The following ZNF462 variants were observed in gnomAD, a reference collection of about 807,000 sequenced individuals.
The protein encoded by ZNF462 is zinc finger protein 462.
ZNF462 carries 10 observed loss-of-function variants against 201.9 expected under a neutral mutation model. That is an observed-to-expected ratio of 0.05 (90% confidence interval 0.03 to 0.08). The LOEUF (loss-of-function observed/expected upper bound fraction) is 0.08, where lower values mean the gene tolerates loss of function less well. ZNF462 is among the 10% of genes least tolerant of loss of function. The pLI, the probability that ZNF462 is intolerant of heterozygous loss-of-function variation, is 1.00. For synonymous variants in ZNF462, 1,227 were observed against 1,193.3 expected (o/e 1.03, Z -0.58); for missense variants, 2,523 against 3,168.3 (o/e 0.80, Z 4.89).
chr9:106,935,857 AGTTC>A lies in ZNF462; in HGVS notation c.6235+243_6235+246del, dbSNP rs1383354340. The stretch of plus-strand genomic sequence containing the variant: ...AGCCTATGTCACCCATGTTATGGTT[AGTTC>A]GTTCGTCCTACTGACAAGTTAGAAT... On this transcript the variant is annotated intron_variant, in intron 6 of 12. Transcript: ENST00000277225. This position sits in a 1 kb window ranked among gnomAD's most constrained non-coding sequence, Gnocchi z 4.1. Among the ~76,000 whole-genome samples the A allele has an allele frequency of 5.3e-5, 8 of 152,270 alleles. No homozygotes were observed. The highest frequency in any genetic ancestry group is 1.9e-4 in the African/African-American group (8 of 41,472).
In ZNF462 at chr9:106,977,754, C is replaced by T. The variant is rs1827125583; in HGVS notation, c.6832+3481C>T. Among the ~76,000 whole-genome samples, 1 of 151,520 alleles carries T rather than the reference C, an allele frequency of 6.6e-6. No individual in the cohort carries two copies. Among genetic ancestry groups the T allele is most frequent in the Non-Finnish European group, 1.5e-5 (1 of 68,032 alleles). ...GTAGTAGAGAGGGGTGGCTTTCAAA[C>T]TGAGCCATGATAACATTTCAACAGG... On this transcript the variant is annotated intron_variant, in intron 9 of 12. Transcript: ENST00000277225. The surrounding 1 kb of genome is among the most constrained non-coding windows in gnomAD (Gnocchi z 4.6).
chr9:106,875,301 G>C lies in ZNF462; in HGVS notation c.-31+11946G>C, dbSNP rs147878175. Among the ~76,000 whole-genome samples the C allele has an allele frequency of 5.2e-3, 789 of 152,200 alleles. 10 individuals are homozygous for C. The highest frequency in any genetic ancestry group is 0.018 in the African/African-American group (752 of 41,506). On this transcript the variant is annotated intron_variant, in intron 1 of 12. Transcript: ENST00000277225. ...GAAAAAGAAATTCTTAAGTTTTTAG[G>C]GGTCAAGTATAACTGCAAAGCTTTC... is the stretch of plus-strand genomic sequence containing the variant.
At chr9:106,982,804 T>C (rs557116685) in intron 9 of ZNF462, among the ~76,000 whole-genome samples, 9 of 152,128 alleles carry the variant, frequency 5.9e-5, no homozygotes, top group South Asian at 2.1e-4. Context: ...AGTGTTGTGG[T>C]TGAGACTAAG....
rs1830748817 is a variant in ZNF462, at chr9:106,938,991, A to G, written c.6311A>G (p.Lys2104Arg). The change falls in exon 7 of 13, where the codon AAG (lysine) becomes AGG (arginine). Residue 2104 changes from lysine (K) to arginine (R), a missense_variant. This residue lies in a region of ZNF462 where 138 missense variants were observed against 146.3 expected (regional missense o/e 0.94). Coordinates refer to ENST00000277225, the MANE Select transcript of ZNF462 (RefSeq NM_021224.6). This position sits in a 1 kb window ranked among gnomAD's most constrained non-coding sequence, Gnocchi z 4.4. ...TISQLKEHSL[K>R]VHGKALTLPR... ...AGCCAGCTGAAGGAACACTCCCTCA[A>G]GGTCCACGGAAAAGCCCTGACCCTC... 1 of 1,613,894 alleles carries G rather than the reference A, an allele frequency of 6.2e-7. No homozygotes were observed. Among genetic ancestry groups the G allele is most frequent in the Non-Finnish European group, 8.5e-7 (1 of 1,179,914 alleles).
chr9:106,990,345 C>G (rs1008384260), intron 10 of ZNF462, among the ~76,000 whole-genome samples: 2 of 151,976 alleles, frequency 1.3e-5, no homozygotes, highest in Non-Finnish European at 2.9e-5. Context: ...TCGTCATAGT[C>G]TACCTTGGAG....
chr9:107,000,946 GATGA>G (rs199985667), intron 10 of ZNF462, among the ~76,000 whole-genome samples: 1 of 152,122 alleles, frequency 6.6e-6, no homozygotes, highest in Admixed American at 6.6e-5. Context: ...AGGAATCCTT[GATGA>G]ATGAATGAAT....
At position 106,930,787 on chromosome 9, in the gene ZNF462, A is replaced by G; in HGVS notation, c.6012+98A>G. ...GCAGCTCAGGAAAGAGCATCTCAGAATGCGGGCATTCCTGAATTATGCTTG... is the reference window on the plus strand; with the variant it reads ...GCAGCTCAGGAAAGAGCATCTCAGAGTGCGGGCATTCCTGAATTATGCTTG... On this transcript the variant is annotated intron_variant, in intron 4 of 12. Coordinates refer to ENST00000277225, the MANE Select transcript of ZNF462 (RefSeq NM_021224.6). This position sits in a 1 kb window ranked among gnomAD's most constrained non-coding sequence, Gnocchi z 5.8. 1 of 1,421,324 alleles carries G rather than the reference A, an allele frequency of 7.0e-7. No homozygotes were observed. The highest frequency in any genetic ancestry group is 9.6e-7 in the Non-Finnish European group (1 of 1,039,322). The allele number at this position is 1,421,324 out of a possible 1,614,324, so 88.0% of individuals were successfully genotyped here.
Position 106,930,412 on chromosome 9 carries a change from T to C in ZNF462, c.5848-113T>C, listed in dbSNP as rs1830377467. 3.6e-6 allele frequency: 5 copies of C among 1,397,232 alleles called. No individual in the cohort carries two copies. Among genetic ancestry groups the C allele is most frequent in the Non-Finnish European group, 4.8e-6 (5 of 1,034,790 alleles). The allele number at this position is 1,397,232 out of a possible 1,614,324, so 86.6% of individuals were successfully genotyped here. On this transcript the variant is annotated intron_variant, in intron 3 of 12. Coordinates refer to ENST00000277225, the MANE Select transcript of ZNF462 (RefSeq NM_021224.6). This position sits in a 1 kb window ranked among gnomAD's most constrained non-coding sequence, Gnocchi z 5.8. ...AAATACTCGCCTATATCTCCCTTGG[T>C]TTTTAACCTGCTAATCGGCTTTAAA...
chr9:106,922,806 A>T (rs1830039865), intron 1 of ZNF462, among the ~76,000 whole-genome samples: 1 of 152,248 alleles, frequency 6.6e-6, no homozygotes, highest in Non-Finnish European at 1.5e-5. Flanking sequence ...AAGTTATTAA[A>T]GTAAGAAAAG....
Position 106,923,224 on chromosome 9 carries a change from C to T in ZNF462, c.-30-130C>T, listed in dbSNP as rs1318959387. On this transcript the variant is annotated intron_variant, in intron 1 of 12. Transcript: ENST00000277225. This position sits in a 1 kb window ranked among gnomAD's most constrained non-coding sequence, Gnocchi z 5.6. ...TGCCTCTCTTTAGCCAATGTTCCAA[C>T]TGGCAAAGTCCAATAAGAGAAATCT... 3.0e-6 allele frequency: 2 copies of T among 661,350 alleles called. No individual in the cohort carries two copies. The highest frequency in any genetic ancestry group is 5.2e-6 in the Non-Finnish European group (2 of 382,930). 41.0% of individuals were successfully genotyped at this position (661,350 alleles called of 1,614,324 possible).
intron 1 of ZNF462, among the ~76,000 whole-genome samples, chr9:106,864,844 T>C (rs973357617): frequency 2.0e-5 from 3 of 152,102 alleles, no homozygotes; most frequent in Non-Finnish European, 4.4e-5. Context: ...TTGCAGGTTT[T>C]TGGAGGAAGT....
intron 6 of ZNF462, among the ~76,000 whole-genome samples, chr9:106,936,843 A>T (rs894384483): frequency 6.6e-6 from 1 of 152,208 alleles, no homozygotes; most frequent in African/African-American, 2.4e-5. Context: ...CACTGATGCC[A>T]GCGTATTAAG....
intron 1 of ZNF462, among the ~76,000 whole-genome samples, chr9:106,864,626 T>A (rs1390585212): frequency 6.6e-6 from 1 of 152,108 alleles, no homozygotes; most frequent in Non-Finnish European, 1.5e-5. Context: ...TTGTGGCTTC[T>A]AACCTACAGA....
At position 107,013,127 on chromosome 9, in the gene ZNF462, A is replaced by G. The variant is rs374803840; in HGVS notation, c.*2097A>G. The G allele has an allele frequency of 6.6e-6, 1 of 152,180 alleles. No individual in the cohort carries two copies. Among genetic ancestry groups the G allele is most frequent in the East Asian group, 1.9e-4 (1 of 5,200 alleles). 9.4% of individuals were successfully genotyped at this position (152,180 alleles called of 1,614,324 possible). Reference sequence around the variant, plus strand: ...AAAAAAAGAAAGAAAAAGGAAAAAAAAAAAGAAAATAATTGTGACATGCTT... The same window carrying G: ...AAAAAAAGAAAGAAAAAGGAAAAAAGAAAAGAAAATAATTGTGACATGCTT... On this transcript the variant is annotated 3_prime_UTR_variant, in exon 13 of 13. Coordinates refer to ENST00000277225, the MANE Select transcript of ZNF462 (RefSeq NM_021224.6).
rs540503345 is a variant in ZNF462, at chr9:107,002,229, G to A, written c.7057-1065G>A. Among the ~76,000 whole-genome samples, 4 of 152,206 alleles carry A rather than the reference G, an allele frequency of 2.6e-5. No individual in the cohort carries two copies. In the South Asian group the frequency reaches 8.3e-4, roughly 32 times the overall value. Reference sequence around the variant, plus strand: ...TGTGGCAGCTAGGGAAGTCGGCCTCGGAATCTAATTAATGATGTCTGTCTT... The same window carrying A: ...TGTGGCAGCTAGGGAAGTCGGCCTCAGAATCTAATTAATGATGTCTGTCTT... On this transcript the variant is annotated intron_variant, in intron 10 of 12. Coordinates refer to ENST00000277225, the MANE Select transcript of ZNF462 (RefSeq NM_021224.6).
rs1829477215 is a variant in ZNF462, at chr9:107,005,408, C to T, written c.7189+1982C>T. ...ACTCTTTTTGATAATAGCCTCGTAA[C>T]AGGTGTGAAGTGATAGCTCATTGTG... On this transcript the variant is annotated intron_variant, in intron 11 of 12. Coordinates refer to ENST00000277225, the MANE Select transcript of ZNF462 (RefSeq NM_021224.6). This position sits in a 1 kb window ranked among gnomAD's most constrained non-coding sequence, Gnocchi z 4.4. Among the ~76,000 whole-genome samples, 1 of 152,192 alleles carries T rather than the reference C, an allele frequency of 6.6e-6. No homozygotes were observed. The highest frequency in any genetic ancestry group is 2.1e-4 in the South Asian group (1 of 4,832).
Position 107,009,695 on chromosome 9 carries a change from T to G in ZNF462, c.7313+27T>G, listed in dbSNP as rs1354718868. 2 of 1,612,078 alleles carry G rather than the reference T, an allele frequency of 1.2e-6. No homozygotes were observed. Among genetic ancestry groups the G allele is most frequent in the Non-Finnish European group, 1.7e-6 (2 of 1,179,774 alleles). On this transcript the variant is annotated intron_variant, in intron 12 of 12. Transcript: ENST00000277225. The surrounding 1 kb of genome is among the most constrained non-coding windows in gnomAD (Gnocchi z 6.1). ...TAAGTTGGGCCACTTCAAGGATGCC[T>G]TTGTCCAAAGCAAGAGGTAGGGAGG...
At position 106,876,774 on chromosome 9, in the gene ZNF462, T is replaced by A. The variant is rs780404449; in HGVS notation, c.-31+13419T>A. 1.3e-5 allele frequency among the ~76,000 whole-genome samples: 2 copies of A among 152,170 alleles called. No individual in the cohort carries two copies. The highest frequency in any genetic ancestry group is 2.9e-5 in the Non-Finnish European group (2 of 68,042). On this transcript the variant is annotated intron_variant, in intron 1 of 12. Coordinates refer to ENST00000277225, the MANE Select transcript of ZNF462 (RefSeq NM_021224.6). This position sits in a 1 kb window ranked among gnomAD's most constrained non-coding sequence, Gnocchi z 4.9. Reference sequence around the variant, plus strand: ...AGAAAGATGTTATTACTGTTCCTATTGTTTGGCATCATTCTGGCAAAAATG... The same window carrying A: ...AGAAAGATGTTATTACTGTTCCTATAGTTTGGCATCATTCTGGCAAAAATG...
At position 106,902,621 on chromosome 9, in the gene ZNF462, G is replaced by A. The variant is rs1227014193; in HGVS notation, c.-30-20733G>A. ...CACTGCTTGTTATTGGTCTGTTCAG[G>A]GTACCTAATTCTTCCTGATTTAAGC... is the stretch of plus-strand genomic sequence containing the variant. On this transcript the variant is annotated intron_variant, in intron 1 of 12. Coordinates refer to ENST00000277225, the MANE Select transcript of ZNF462 (RefSeq NM_021224.6). The surrounding 1 kb of genome is among the most constrained non-coding windows in gnomAD (Gnocchi z 4.2). Among the ~76,000 whole-genome samples the A allele has an allele frequency of 6.6e-6, 1 of 151,862 alleles. No individual in the cohort carries two copies. Among genetic ancestry groups the A allele is most frequent in the Non-Finnish European group, 1.5e-5 (1 of 67,934 alleles).
Sources: gnomAD v4.1 joint callset for allele counts (sites outside exome capture counted in the v4.1 genomes callset) on GRCh38, gnomAD v4.1.1 for gene constraint, gnomAD v4.1.1 regional missense constraint, Gnocchi (gnomAD v3.1) non-coding constraint, MANE v1.5 for transcripts, NCBI Gene and HGNC (gene_info 2026-07-23, HGNC 2026-07-21) for gene names.